The following TMPRSS5 variants were observed in gnomAD, a reference collection of about 807,000 sequenced individuals.
The protein encoded by TMPRSS5 is transmembrane protease serine 5.
Under a neutral mutation model 59.7 loss-of-function variants are expected in TMPRSS5, and 45 were observed. The ratio of observed to expected loss-of-function variants is 0.75; its 90% CI spans 0.59 to 0.97. TMPRSS5 has a LOEUF of 0.97. Among genes scored for constraint, TMPRSS5 ranks in the 50% least tolerant of loss-of-function variants. The pLI is 0.00. For synonymous variants in TMPRSS5, 225 were observed against 232.0 expected, an observed-to-expected ratio of 0.97 and a Z score of 0.27; for missense variants, 585 against 596.7, an observed-to-expected ratio of 0.98 and a Z score of 0.20.
rs201379359 is a variant in TMPRSS5, at chr11:113,690,252, G to A, written c.1185C>T (p.Asp395=). 9.8e-4 allele frequency: 1,421 copies of A among 1,449,002 alleles called. 2 individuals are homozygous for A. The highest frequency in any genetic ancestry group is 1.2e-3 in the Non-Finnish European group (1,306 of 1,084,610). 89.8% of individuals were successfully genotyped at this position (1,449,002 alleles called of 1,614,324 possible). ...ACACCTGGCATGCATCAGCCCTTCCGTCCAGGTAGCCAGCGCAAAGCATGC... is the reference window on the plus strand; with the variant it reads ...ACACCTGGCATGCATCAGCCCTTCCATCCAGGTAGCCAGCGCAAAGCATGC... ...TPRMLCAGYL[D]GRADACQGDS... The change falls in exon 11 of 13, where the codon GAC becomes GAT. Residue 395 remains aspartate (D), a synonymous_variant. Coordinates refer to ENST00000299882, the MANE Select transcript of TMPRSS5 (RefSeq NM_030770.4).
In TMPRSS5 at chr11:113,699,655, A is replaced by G; in HGVS notation, c.145T>C (p.Cys49Arg). The G allele has an allele frequency of 6.3e-7, 1 of 1,585,936 alleles. No individual in the cohort carries two copies. Among genetic ancestry groups the G allele is most frequent in the African/African-American group, 1.3e-5 (1 of 74,498 alleles). Reference protein sequence around the residue: ...AVCWRSMRRGCAVLGALGLLA... With the variant: ...AVCWRSMRRGRAVLGALGLLA... ...AGCCCCAGGGCTCCCAGCACTGCAC[A>G]GCCACGTCGCATGGAACGCCAGCAC... The change falls in exon 3 of 13, where the codon TGT becomes CGT. Residue 49 changes from cysteine (C) to arginine (R), a missense_variant. Physicochemically the swap from Cys to Arg is radical, Grantham distance 180 (BLOSUM62 -3). Transcript: ENST00000299882.
chr11:113,690,176 G>GGCCCCCCCCCCCCCCC, intron 11 of TMPRSS5, 55 bp downstream of exon 11: 3 of 388,214 alleles, frequency 7.7e-6, no homozygotes, highest in Non-Finnish European at 4.2e-6. Flanking sequence ...CAGGCCCCCT[G>GGCCCCCCCCCCCCCCC]CCCTCCCACC....
intron 8 of TMPRSS5, chr11:113,693,710 T>C (rs1358459040): frequency 6.5e-6 from 1 of 154,780 alleles, no homozygotes; most frequent in Non-Finnish European, 1.4e-5. Flanking sequence ...GCTCATTCAC[T>C]CATCATTCAT....
intron 7 of TMPRSS5, 59 bp downstream of exon 7, chr11:113,695,341 G>A: frequency 1.3e-6 from 2 of 1,589,956 alleles, no homozygotes; most frequent in South Asian, 2.2e-5. Context: ...CCACACTTGA[G>A]GCAGGGGGAA....
At position 113,698,968 on chromosome 11, in the gene TMPRSS5, TCTC is replaced by T. The variant is rs1953010101; in HGVS notation, c.262_264del (p.Glu88del). 1 of 1,605,932 alleles carries T rather than the reference TCTC, an allele frequency of 6.2e-7. No homozygotes were observed. The highest frequency in any genetic ancestry group is 1.3e-5 in the African/African-American group (1 of 74,754). On this transcript the variant is annotated inframe_deletion, in exon 4 of 13. Transcript: ENST00000299882. ...CTGGCCTCTGAGCAGCTCAAAGTTATCTCCTCATCCTGCAAGGTCCCGGAAATG... is the reference window on the plus strand; with the variant it reads ...CTGGCCTCTGAGCAGCTCAAAGTTATCTCATCCTGCAAGGTCCCGGAAATG...
At chr11:113,692,450 G>A (rs902393274) in intron 9 of TMPRSS5, among the ~76,000 whole-genome samples, 6 of 152,168 alleles carry the variant, frequency 3.9e-5, no homozygotes, top group African/African-American at 1.2e-4. Flanking sequence ...CTGTGTGAGT[G>A]CATGTGTGTG....
chr11:113,699,884 C>T, intron 2 of TMPRSS5, 182 bp downstream of exon 2: 1 of 1,492,936 alleles, frequency 6.7e-7, no homozygotes, highest in South Asian at 1.3e-5. Flanking sequence ...CTGAAGCCCA[C>T]AAATCCCACT....
Position 113,687,956 on chromosome 11 carries a change from C to A in TMPRSS5, c.*304G>T. ...GCTGCTTCTAGCAGCCTCTTCATCT[C>A]CAGCTCCTACCTCTCTCCTCCCCCT... On this transcript the variant is annotated 3_prime_UTR_variant, in exon 13 of 13. Coordinates refer to ENST00000299882, the MANE Select transcript of TMPRSS5 (RefSeq NM_030770.4). The A allele has an allele frequency of 2.9e-6, 1 of 343,956 alleles. No individual in the cohort carries two copies. 21.3% of individuals were successfully genotyped at this position (343,956 alleles called of 1,614,324 possible). A position where few individuals can be genotyped will look rare whatever the true frequency, so the allele number is the denominator to read the frequency against.
rs780553050 is a variant in TMPRSS5, at chr11:113,699,650, T to C, written c.150A>G (p.Ala50=). ...CCAGCAGCCCCAGGGCTCCCAGCACTGCACAGCCACGTCGCATGGAACGCC... is the reference window on the plus strand; with the variant it reads ...CCAGCAGCCCCAGGGCTCCCAGCACCGCACAGCCACGTCGCATGGAACGCC... ...VCWRSMRRGC[A]VLGALGLLAG... Residue 50 remains alanine, a synonymous_variant, in exon 3 of 13, where the codon GCA becomes GCG. Coordinates refer to ENST00000299882, the MANE Select transcript of TMPRSS5 (RefSeq NM_030770.4). 6.3e-7 allele frequency: 1 copy of C among 1,586,464 alleles called. No individual in the cohort carries two copies. The highest frequency in any genetic ancestry group is 1.2e-5 in the South Asian group (1 of 86,324).
chr11:113,699,131 C>T, intron 3 of TMPRSS5, 104 bp from the exon 4 acceptor site: 1 of 1,307,132 alleles, frequency 7.7e-7, no homozygotes, highest in South Asian at 1.4e-5. Context: ...CCCAACCAAC[C>T]TGCTGAGGAG....
chr11:113,697,547 A>C (rs764953683), intron 4 of TMPRSS5, 129 bp from the exon 5 acceptor site: 7 of 1,079,268 alleles, frequency 6.5e-6, no homozygotes, highest in Non-Finnish European at 9.4e-6. Flanking sequence ...CCCAGTGCCA[A>C]GTTCCCTGCT....
intron 1 of TMPRSS5, among the ~76,000 whole-genome samples, chr11:113,702,383 A>G (rs1353348531): frequency 1.3e-5 from 2 of 152,144 alleles, no homozygotes; most frequent in Non-Finnish European, 2.9e-5. Flanking sequence ...TTTGGACTTG[A>G]GAGAGATGAT....
chr11:113,690,953 C>T lies in TMPRSS5; in HGVS notation c.965-14G>A, dbSNP rs200034206. The T allele has an allele frequency of 1.9e-6, 3 of 1,570,896 alleles. No individual in the cohort carries two copies. The African/African-American group carries it at 4.1e-5, about 21-fold the overall frequency. ...CGCCCACAGTGTCTGTAGAGAGGCACATGGTCCTGGTCCCCAGTCAGGCTT... is the reference window on the plus strand; with the variant it reads ...CGCCCACAGTGTCTGTAGAGAGGCATATGGTCCTGGTCCCCAGTCAGGCTT... On this transcript the variant is annotated splice_polypyrimidine_tract_variant and intron_variant, in intron 9 of 12. Coordinates refer to ENST00000299882, the MANE Select transcript of TMPRSS5 (RefSeq NM_030770.4).
At chr11:113,691,048 A>C in intron 9 of TMPRSS5, 109 bp from the exon 10 acceptor site, 1 of 1,027,386 alleles carries the variant, frequency 9.7e-7, no homozygotes, top group Non-Finnish European at 1.4e-6. Context: ...CCCTTCTCAA[A>C]CAGTCCTGGC....
intron 1 of TMPRSS5, among the ~76,000 whole-genome samples, chr11:113,704,319 T>C (rs1440806602): frequency 2.6e-5 from 4 of 152,210 alleles, no homozygotes; most frequent in Non-Finnish European, 4.4e-5. Flanking sequence ...GAGTAATAAC[T>C]CCTGCTTTCC....
At chr11:113,696,189 T>G (rs1276614700) in intron 6 of TMPRSS5, among the ~76,000 whole-genome samples, 1 of 152,254 alleles carries the variant, frequency 6.6e-6, no homozygotes, top group South Asian at 2.1e-4. Context: ...AGGAGGGGCC[T>G]GAAGGAACAG....
chr11:113,700,096 T>G lies in TMPRSS5; in HGVS notation c.76A>C (p.Arg26=), dbSNP rs564279177. Residue 26 remains arginine (R), a synonymous_variant, in exon 2 of 13, where the codon AGA becomes CGA. Transcript: ENST00000299882. ...TGCTGCTGGTCTCCAGGCTCTGCTC[T>G]GAAGATCCCAGGTCCTGGGCCCTCC... The part of the protein sequence containing the change: ...AEEGPGPGIF[R]AEPGDQQHPI... 1.6e-5 allele frequency: 26 copies of G among 1,577,216 alleles called. No individual in the cohort carries two copies. In the African/African-American group the frequency reaches 3.0e-4, roughly 18 times the overall value.
Position 113,690,252 on chromosome 11 carries a change from G to T in TMPRSS5, c.1185C>A (p.Asp395Glu). 1 of 1,449,004 alleles carries T rather than the reference G, an allele frequency of 6.9e-7. No homozygotes were observed. Among genetic ancestry groups the T allele is most frequent in the Non-Finnish European group, 9.2e-7 (1 of 1,084,612 alleles). 89.8% of individuals were successfully genotyped at this position (1,449,004 alleles called of 1,614,324 possible). ...ACACCTGGCATGCATCAGCCCTTCC[G>T]TCCAGGTAGCCAGCGCAAAGCATGC... ...TPRMLCAGYLDGRADACQGDS... is the reference protein window; with the variant it reads ...TPRMLCAGYLEGRADACQGDS... The change falls in exon 11 of 13, where the codon GAC (aspartate) becomes GAA (glutamate). Residue 395 changes from aspartate to glutamate, a missense_variant. Coordinates refer to ENST00000299882, the MANE Select transcript of TMPRSS5 (RefSeq NM_030770.4).
intron 12 of TMPRSS5, among the ~76,000 whole-genome samples, chr11:113,689,406 T>C (rs943014114): frequency 3.3e-5 from 5 of 152,148 alleles, no homozygotes; most frequent in Non-Finnish European, 5.9e-5. Context: ...CCTAGCACTG[T>C]GCTAGGCATT....
Sources: allele counts gnomAD v4.1 joint callset (sites outside exome capture counted in the v4.1 genomes callset), GRCh38; gene constraint gnomAD v4.1.1; transcripts MANE v1.5; gene names NCBI Gene and HGNC (gene_info 2026-07-23, HGNC 2026-07-21).